Variants in PDE4B observed in about 807,000 individuals in gnomAD.
PDE4B encodes phosphodiesterase 4B.
Under a neutral mutation model 82.2 loss-of-function variants are expected in PDE4B, and 20 were observed. The observed-to-expected ratio is 0.24, with a 90% CI of 0.17 to 0.35. PDE4B has a LOEUF of 0.35. Ranked by LOEUF, PDE4B falls within the 10% of genes least tolerant of loss-of-function variation. The pLI is 1.00. For synonymous variants in PDE4B, 320 were observed against 318.9 expected (o/e 1.00, Z -0.04); for missense variants, 655 against 907.2 (o/e 0.72, Z 3.57).
intron 7 of PDE4B, among the ~76,000 whole-genome samples, chr1:66,275,609 C>A (rs1456663782): frequency 6.6e-6 from 1 of 152,124 alleles, no homozygotes; most frequent in African/African-American, 2.4e-5. Flanking sequence ...AGAGGACCAC[C>A]GAAGTTCCTT....
At chr1:65,907,168 T>A (rs1204861559) in intron 1 of PDE4B, among the ~76,000 whole-genome samples, 1 of 152,176 alleles carries the variant, frequency 6.6e-6, no homozygotes, top group African/African-American at 2.4e-5. Flanking sequence ...GAAGCACATT[T>A]GCCTCTGTTT....
At chr1:66,354,545 CA>C (rs1662082157) in intron 8 of PDE4B, 1 of 1,174,978 alleles carries the variant, frequency 8.5e-7, no homozygotes, top group Non-Finnish European at 1.1e-6. Context: ...ATAAGTGCTT[CA>C]AACCAGCCAG....
intron 3 of PDE4B, among the ~76,000 whole-genome samples, chr1:65,970,133 AT>A (rs1281379853): frequency 6.6e-6 from 1 of 151,904 alleles, no homozygotes; most frequent in Non-Finnish European, 1.5e-5. Context: ...TATTGTACTC[AT>A]GTAGCAGGCA....
At chr1:65,921,246 G>C (rs1481063700) in intron 3 of PDE4B, among the ~76,000 whole-genome samples, 2 of 152,032 alleles carry the variant, frequency 1.3e-5, no homozygotes, top group Admixed American at 6.6e-5. Context: ...GGGATTACAG[G>C]TGTGAGCCAC....
intron 3 of PDE4B, among the ~76,000 whole-genome samples, chr1:66,021,379 G>A (rs1653097899): frequency 6.6e-6 from 1 of 152,180 alleles, no homozygotes; most frequent in Non-Finnish European, 1.5e-5. Flanking sequence ...TTTTAGTCAT[G>A]AAGTCCTTGC....
At chr1:65,996,969 G>T (rs185975468) in intron 3 of PDE4B, among the ~76,000 whole-genome samples, 41 of 152,262 alleles carry the variant, frequency 2.7e-4, no homozygotes, top group African/African-American at 9.4e-4. Flanking sequence ...TGGCCTGTAT[G>T]GCCTGCCTGT....
intron 1 of PDE4B, among the ~76,000 whole-genome samples, chr1:65,892,486 T>C (rs955330266): frequency 2.6e-5 from 4 of 152,098 alleles, no homozygotes; most frequent in African/African-American, 9.7e-5. Flanking sequence ...AAAGTCATGA[T>C]GTCTTCAGCT....
intron 7 of PDE4B, among the ~76,000 whole-genome samples, chr1:66,285,605 C>T (rs1377684779): frequency 6.6e-6 from 1 of 152,096 alleles, no homozygotes; most frequent in South Asian, 2.1e-4. Context: ...ATTTGATTTT[C>T]TGTTTCTGAG....
intron 8 of PDE4B, among the ~76,000 whole-genome samples, chr1:66,353,764 C>T (rs967947165): frequency 6.6e-6 from 1 of 152,104 alleles, no homozygotes; most frequent in Non-Finnish European, 1.5e-5. Context: ...TCAACATGCC[C>T]TGGATTGCTA....
intron 3 of PDE4B, among the ~76,000 whole-genome samples, chr1:66,222,907 A>AT (rs1651112865): frequency 6.6e-6 from 1 of 152,182 alleles, no homozygotes; most frequent in South Asian, 2.1e-4. Flanking sequence ...GCTTTTCATT[A>AT]TTTTTTATAA....
chr1:66,114,512 T>C (rs1357401082), intron 3 of PDE4B, among the ~76,000 whole-genome samples: 1 of 151,900 alleles, frequency 6.6e-6, no homozygotes, highest in East Asian at 1.9e-4. Context: ...TCTGAAAAAA[T>C]AACGTAACTT....
chr1:65,887,541 C>A (rs1430691059), intron 1 of PDE4B, among the ~76,000 whole-genome samples: 1 of 147,546 alleles, frequency 6.8e-6, no homozygotes, highest in Non-Finnish European at 1.5e-5. Flanking sequence ...CCTTAGCCTC[C>A]AGAGTAGCCA....
chr1:66,344,998 A>G (rs1661281126), intron 8 of PDE4B, among the ~76,000 whole-genome samples: 1 of 152,200 alleles, frequency 6.6e-6, no homozygotes, highest in Non-Finnish European at 1.5e-5. Flanking sequence ...GTTAGATCCA[A>G]TGTAGCATGG....
intron 8 of PDE4B, among the ~76,000 whole-genome samples, chr1:66,340,101 G>A (rs1480942166): frequency 6.6e-6 from 1 of 152,132 alleles, no homozygotes; most frequent in African/African-American, 2.4e-5. Flanking sequence ...TTGAAGGCAT[G>A]GTGCCAGTTG....
chr1:66,198,695 G>A (rs911333043), intron 3 of PDE4B, among the ~76,000 whole-genome samples: 57 of 152,126 alleles, frequency 3.7e-4, no homozygotes, highest in African/African-American at 1.4e-3. Context: ...GTGCCATGTC[G>A]GTGTACTGCA....
intron 3 of PDE4B, among the ~76,000 whole-genome samples, chr1:66,119,042 C>T (rs1645655714): frequency 6.6e-6 from 1 of 152,118 alleles, no homozygotes; most frequent in Non-Finnish European, 1.5e-5. Flanking sequence ...CAAAATTCAT[C>T]CAGAGAGATG....
chr1:65,978,297 G>A (rs1362775634), intron 3 of PDE4B, among the ~76,000 whole-genome samples: 1 of 151,886 alleles, frequency 6.6e-6, no homozygotes, highest in African/African-American at 2.4e-5. Context: ...TAAAGTACTG[G>A]GATTACCAGT....
chr1:65,892,242 G>T (rs994349861), intron 1 of PDE4B, among the ~76,000 whole-genome samples: 7 of 151,998 alleles, frequency 4.6e-5, no homozygotes, highest in African/African-American at 1.4e-4. Flanking sequence ...CACAAAACCA[G>T]ACTGAAGCTA....
In PDE4B at chr1:65,928,731, C is replaced by T. The variant is rs1647660401; in HGVS notation, c.281+9896C>T. 2.0e-5 allele frequency among the ~76,000 whole-genome samples: 3 copies of T among 152,164 alleles called. No homozygotes were observed. In the South Asian group the frequency reaches 6.2e-4, roughly 32 times the overall value. On this transcript the variant is annotated intron_variant, in intron 3 of 16. Transcript: ENST00000341517. ...AGAGGTCTAAAGTGACTAATCCACT[C>T]CATCATCCCAATCTCCCTAAGCCTC...
Sources: allele counts gnomAD v4.1 joint callset (sites outside exome capture counted in the v4.1 genomes callset), GRCh38; gene constraint gnomAD v4.1.1; transcripts MANE v1.5; gene names NCBI Gene and HGNC (gene_info 2026-07-23, HGNC 2026-07-21).